Variants in OC90 observed in about 807,000 individuals in gnomAD.
OC90 encodes otoconin-90.
In OC90, 46 loss-of-function variants were observed where a neutral mutation model predicts 47.3. The observed-to-expected ratio is 0.97, with a 90% CI of 0.77 to 1.24. OC90 has a LOEUF of 1.24. OC90 is among the 50% of genes most tolerant of loss of function. The probability of loss-of-function intolerance (pLI) is 0.00; values close to 1 mark genes in which losing one functional copy is unlikely to be tolerated. For synonymous variants in OC90, 271 were observed against 219.5 expected, an observed-to-expected ratio of 1.23 and a Z score of -2.07; for missense variants, 688 against 583.9, an observed-to-expected ratio of 1.18 and a Z score of -1.84.
At chr8:132,046,933 A>G (rs73350989) in intron 2 of OC90, among the ~76,000 whole-genome samples, 8,305 of 152,210 alleles carry the variant, frequency 0.055, 278 homozygotes, top group Non-Finnish European at 0.069. Flanking sequence ...GCTTCACATT[A>G]TTGACATTTT....
Position 132,028,688 on chromosome 8 carries a change from GAA to G in OC90, c.1138+383_1138+384del, listed in dbSNP as rs1190321745. ...AAAGAGAGACAGAAAGAAAGAAAGA[GAA>G]AGAAAGAAAGAGAGACAGAAAGAAA... On this transcript the variant is annotated intron_variant, in intron 13 of 13. Transcript: ENST00000254627. Among the ~76,000 whole-genome samples, 396 of 120,516 alleles carry G rather than the reference GAA, an allele frequency of 3.3e-3. 7 individuals are homozygous for G. Among genetic ancestry groups the G allele is most frequent in the African/African-American group, 0.012 (383 of 32,278 alleles). The allele number at this position is 120,516 out of a possible 152,430, so 79.1% of individuals were successfully genotyped here. A position where few individuals can be genotyped will look rare whatever the true frequency, so the allele number is the denominator to read the frequency against.
In OC90 at chr8:132,024,572, T is replaced by G. The variant is rs780324879; in HGVS notation, c.1343A>C (p.Glu448Ala). ...LGSSSEEDSEEDPPQEDLGRA... is the reference protein window; with the variant it reads ...LGSSSEEDSEADPPQEDLGRA... ...GCCGAGGTCCTCCTGTGGAGGGTCC[T>G]CCTCGCTGTCCTCCTCAGAGCTGGA... The change falls in exon 14 of 14, where the codon GAG (glutamate) becomes GCG (alanine). Residue 448 changes from glutamate to alanine, a missense_variant. Physicochemically the swap from Glu to Ala is moderately radical, Grantham distance 107. Transcript: ENST00000254627. 1.2e-6 allele frequency: 2 copies of G among 1,613,178 alleles called. No homozygotes were observed. Among genetic ancestry groups the G allele is most frequent in the African/African-American group, 1.3e-5 (1 of 75,036 alleles).
intron 13 of OC90, among the ~76,000 whole-genome samples, chr8:132,028,563 A>AAAGG (rs869234363): frequency 0.031 from 981 of 31,206 alleles, 11 homozygotes; most frequent in Middle Eastern, 0.053. Flanking sequence ...AGAAAGAAAG[A>AAAGG]AAGGAAGGAA....
Position 132,046,669 on chromosome 8 carries a change from C to T in OC90, c.47-786G>A, listed in dbSNP as rs184390144. Among the ~76,000 whole-genome samples, 132 of 152,302 alleles carry T rather than the reference C, an allele frequency of 8.7e-4. 1 individual carries two copies. The highest frequency in any genetic ancestry group is 3.1e-3 in the African/African-American group (128 of 41,564). On this transcript the variant is annotated intron_variant, in intron 2 of 13. Transcript: ENST00000254627. ...GTTCAGAGAGCTTATAGACTTGTTCCTGCTCATATTTTTCTTTCCCCAGCA... is the reference window on the plus strand; with the variant it reads ...GTTCAGAGAGCTTATAGACTTGTTCTTGCTCATATTTTTCTTTCCCCAGCA...
At chr8:132,027,773 C>A (rs902385596) in intron 13 of OC90, among the ~76,000 whole-genome samples, 1 of 152,176 alleles carries the variant, frequency 6.6e-6, no homozygotes, top group Non-Finnish European at 1.5e-5. Flanking sequence ...GCTGCAGGCA[C>A]GCCTTGCTCT....
chr8:132,031,563 T>C (rs529149627), intron 12 of OC90, among the ~76,000 whole-genome samples: 107 of 152,344 alleles, frequency 7.0e-4, no homozygotes, highest in African/African-American at 2.4e-3. Flanking sequence ...ATTTGCAGAT[T>C]GGCCCTCTTG....
intron 12 of OC90, among the ~76,000 whole-genome samples, chr8:132,029,759 C>A (rs1181559000): frequency 6.6e-6 from 1 of 152,214 alleles, no homozygotes; most frequent in Non-Finnish European, 1.5e-5. Context: ...TCAATGTCTT[C>A]TTTGTATATC....
rs1488769903 is a variant in OC90, at chr8:132,058,366, G to A, written c.-48+975C>T. ...GCCCAAGGAAGTCTCTGGGGCTGTC[G>A]TGGCCTCATGGGTCAGTGCTGTCCT... On this transcript the variant is annotated intron_variant, in intron 1 of 13. Transcript: ENST00000254627. Among the ~76,000 whole-genome samples the A allele has an allele frequency of 3.3e-5, 5 of 152,294 alleles. 1 individual carries two copies. Among genetic ancestry groups the A allele is most frequent in the South Asian group, 4.1e-4 (2 of 4,824 alleles).
intron 2 of OC90, among the ~76,000 whole-genome samples, chr8:132,048,844 G>A (rs1417935286): frequency 6.6e-6 from 1 of 151,522 alleles, no homozygotes; most frequent in East Asian, 1.9e-4. Context: ...GGATGGCTGA[G>A]GCACAGTCTA....
intron 1 of OC90, among the ~76,000 whole-genome samples, chr8:132,056,548 C>T (rs550337624): frequency 2.6e-5 from 4 of 152,302 alleles, no homozygotes; most frequent in East Asian, 1.9e-4. Context: ...ATTGGTGCAA[C>T]GCTCTGCTTA....
chr8:132,058,637 C>T (rs1283939467), intron 1 of OC90, among the ~76,000 whole-genome samples: 1 of 152,160 alleles, frequency 6.6e-6, no homozygotes, highest in Non-Finnish European at 1.5e-5. Flanking sequence ...CAGCGAAATG[C>T]ATATAATGGT....
At chr8:132,025,214 A>G (rs1055551014) in intron 13 of OC90, among the ~76,000 whole-genome samples, 1 of 152,252 alleles carries the variant, frequency 6.6e-6, no homozygotes, top group Non-Finnish European at 1.5e-5. Context: ...GCAGGGCAGG[A>G]TAGGGCCCCA....
At chr8:132,029,739 T>C (rs1167338594) in intron 12 of OC90, among the ~76,000 whole-genome samples, 1 of 152,194 alleles carries the variant, frequency 6.6e-6, no homozygotes, top group African/African-American at 2.4e-5. Context: ...CGTAAATACA[T>C]GAAAATGAGT....
intron 9 of OC90, 34 bp downstream of exon 9, chr8:132,037,404 T>G (rs1476816673): frequency 1.3e-6 from 2 of 1,552,480 alleles, no homozygotes; most frequent in Non-Finnish European, 1.8e-6. Context: ...TCATTGTGTG[T>G]CTTTGGGTTC....
At position 132,043,872 on chromosome 8, in the gene OC90, C is replaced by T. The variant is rs151229089; in HGVS notation, c.169+561G>A. 3.2e-3 allele frequency among the ~76,000 whole-genome samples: 493 copies of T among 152,312 alleles called. 1 individual carries two copies. Among genetic ancestry groups the T allele is most frequent in the African/African-American group, 0.011 (462 of 41,560 alleles). On this transcript the variant is annotated intron_variant, in intron 4 of 13. Transcript: ENST00000254627. ...AGCATGGCCCGACCCAAAAGTAATT[C>T]TGAGTGTCTTTGTTCATGTCAATCA...
chr8:132,041,780 C>A lies in OC90; in HGVS notation c.170-81G>T, dbSNP rs572095783. ...GTCCCTGTCCCCTGGACTTCCTATA[C>A]CTCAGGCTGATGGTGCCTTATCAAC... On this transcript the variant is annotated intron_variant, in intron 4 of 13. Coordinates refer to ENST00000254627, the MANE Select transcript of OC90 (RefSeq NM_001080399.3). The A allele has an allele frequency of 1.0e-5, 8 of 772,976 alleles. No homozygotes were observed. In the East Asian group the frequency reaches 1.6e-4, roughly 16 times the overall value. 47.9% of individuals were successfully genotyped at this position (772,976 alleles called of 1,614,324 possible). A position where few individuals can be genotyped will look rare whatever the true frequency, so the allele number is the denominator to read the frequency against.
Position 132,024,705 on chromosome 8 carries a change from C to T in OC90, c.1210G>A (p.Ala404Thr). The part of the protein sequence containing the change: ...DQTAAECMTS[A>T]SFNQSLKSPS... ...GACTTGAGGCTTTGGTTAAAGGAGG[C>T]AGAGGTCATGCACTCAGCTGCCGTC... Residue 404 changes from alanine (A) to threonine (T), a missense_variant, in exon 14 of 14, where the codon GCC (alanine) becomes ACC (threonine). By Grantham distance (58) the Ala-to-Thr change is moderately conservative. Transcript: ENST00000254627. 1.2e-6 allele frequency: 2 copies of T among 1,613,756 alleles called. No individual in the cohort carries two copies. The highest frequency in any genetic ancestry group is 1.1e-5 in the South Asian group (1 of 91,012).
intron 1 of OC90, 104 bp downstream of exon 1, chr8:132,059,217 CCTTCTCTTTCTCCCTCCCTT>C (rs1823315201): frequency 6.6e-6 from 1 of 150,846 alleles, no homozygotes; most frequent in Non-Finnish European, 1.5e-5. Flanking sequence ...CTCTCCCCCT[CCTTCTCTTTCTCCCTCCCTT>C]CTTCTCTTCT....
At position 132,044,475 on chromosome 8, in the gene OC90, T is replaced by G. The variant is rs1823103390; in HGVS notation, c.127A>C (p.Ser43Arg). The change falls in exon 4 of 14, where the codon AGT becomes CGT. Residue 43 changes from serine (S) to arginine (R), a missense_variant. By Grantham distance (110) the Ser-to-Arg change is moderately radical. Transcript: ENST00000254627. ...CTTTCCACATTTTTAAACATCCCAC[T>G]GAAGAAAGTGATATCTAAGTGTAAG... is the stretch of plus-strand genomic sequence containing the variant. ...LPNNINITFFSGMFKNVESVA... is the reference protein window; with the variant it reads ...LPNNINITFFRGMFKNVESVA... 1 of 1,552,016 alleles carries G rather than the reference T, an allele frequency of 6.4e-7. No individual in the cohort carries two copies. The highest frequency in any genetic ancestry group is 1.9e-5 in the Admixed American group (1 of 53,566).
Sources: gnomAD v4.1 joint callset for allele counts (sites outside exome capture counted in the v4.1 genomes callset) on GRCh38, gnomAD v4.1.1 for gene constraint, MANE v1.5 for transcripts, NCBI Gene and HGNC (gene_info 2026-07-23, HGNC 2026-07-21) for gene names.